The following UBE2Q2 variants were observed in gnomAD, a reference collection of about 807,000 sequenced individuals.
The protein encoded by UBE2Q2 is ubiquitin conjugating enzyme E2 Q2, also known as ubiquitin-conjugating enzyme E2 Q2.
A neutral mutation model predicts 59.9 loss-of-function variants in UBE2Q2; 54 were observed. That is an observed-to-expected ratio of 0.90 (90% confidence interval 0.72 to 1.13). UBE2Q2 has a LOEUF of 1.13. Ranked by LOEUF, UBE2Q2 falls within the 50% of genes most tolerant of loss-of-function variation. The probability of loss-of-function intolerance (pLI) is 0.00; values close to 1 mark genes in which losing one functional copy is unlikely to be tolerated. For missense variants in UBE2Q2, 433 were observed against 441.9 expected, an observed-to-expected ratio of 0.98 and a Z score of 0.18; for synonymous variants, 165 against 155.2, an observed-to-expected ratio of 1.06 and a Z score of -0.47.
intron 11 of UBE2Q2, among the ~76,000 whole-genome samples, chr15:75,894,268 T>C (rs1027460447): frequency 2.6e-5 from 4 of 151,544 alleles, no homozygotes; most frequent in African/African-American, 9.7e-5. Context: ...GAAAGGACAA[T>C]AAAAAAAACC....
At chr15:75,858,246 C>T (rs1344055595) in intron 2 of UBE2Q2, among the ~76,000 whole-genome samples, 2 of 152,168 alleles carry the variant, frequency 1.3e-5, no homozygotes, top group Non-Finnish European at 2.9e-5. Flanking sequence ...ACCCATATAT[C>T]TGTCTGTAAA....
At chr15:75,889,272 C>G (rs1742093815) in intron 9 of UBE2Q2, among the ~76,000 whole-genome samples, 1 of 152,106 alleles carries the variant, frequency 6.6e-6, no homozygotes, top group South Asian at 2.1e-4. Flanking sequence ...ATTAATCTTT[C>G]ACTTTGAAAG....
At chr15:75,855,404 T>C (rs1002315867) in intron 2 of UBE2Q2, among the ~76,000 whole-genome samples, 1 of 151,940 alleles carries the variant, frequency 6.6e-6, no homozygotes, top group African/African-American at 2.4e-5. Context: ...GGCAGGAGAA[T>C]TGCTTGAATC....
chr15:75,857,824 GA>G (rs1273202259), intron 2 of UBE2Q2, among the ~76,000 whole-genome samples: 1 of 150,534 alleles, frequency 6.6e-6, no homozygotes, highest in African/African-American at 2.4e-5. Context: ...TATATTAAAT[GA>G]AAAAGCAAGG....
intron 4 of UBE2Q2, among the ~76,000 whole-genome samples, chr15:75,869,335 A>G (rs972747595): frequency 6.6e-6 from 1 of 152,240 alleles, no homozygotes; most frequent in Non-Finnish European, 1.5e-5. Flanking sequence ...TAAGTTTAAA[A>G]AATTTTATGT....
chr15:75,861,137 G>C (rs989513580), intron 3 of UBE2Q2, among the ~76,000 whole-genome samples: 1 of 152,210 alleles, frequency 6.6e-6, no homozygotes, highest in African/African-American at 2.4e-5. Flanking sequence ...AGGATTAAAT[G>C]AGTTCGTACA....
intron 3 of UBE2Q2, among the ~76,000 whole-genome samples, chr15:75,868,107 CAG>C (rs1471206663): frequency 6.6e-6 from 1 of 152,176 alleles, no homozygotes; most frequent in East Asian, 1.9e-4. Context: ...ATTATTCCAT[CAG>C]AGTGTCTAAT....
At chr15:75,851,223 C>G (rs1896620988) in intron 1 of UBE2Q2, among the ~76,000 whole-genome samples, 1 of 151,494 alleles carries the variant, frequency 6.6e-6, no homozygotes, top group Non-Finnish European at 1.5e-5. Context: ...CCTCAGTCTC[C>G]TGGGACTCAG....
chr15:75,848,866 G>T (rs1035258324), intron 1 of UBE2Q2, among the ~76,000 whole-genome samples: 16 of 152,090 alleles, frequency 1.1e-4, no homozygotes, highest in African/African-American at 3.6e-4. Context: ...TCTTCTAGAA[G>T]ATTCTGAAAG....
intron 3 of UBE2Q2, 36 bp from the exon 4 acceptor site, chr15:75,868,915 T>A: frequency 6.2e-7 from 1 of 1,604,946 alleles, no homozygotes; most frequent in African/African-American, 1.3e-5. Flanking sequence ...GCATATTTGT[T>A]CTGTATAGCC....
At chr15:75,863,082 G>A (rs943950014) in intron 3 of UBE2Q2, among the ~76,000 whole-genome samples, 7 of 152,122 alleles carry the variant, frequency 4.6e-5, no homozygotes, top group African/African-American at 1.4e-4. Flanking sequence ...TTCAGGGCCT[G>A]GAAAATGTGT....
At chr15:75,866,076 A>G (rs1046511050) in intron 3 of UBE2Q2, among the ~76,000 whole-genome samples, 2 of 152,048 alleles carry the variant, frequency 1.3e-5, no homozygotes, top group Admixed American at 6.6e-5. Flanking sequence ...TCTGATGCCT[A>G]TCTCATTCTT....
intron 5 of UBE2Q2, among the ~76,000 whole-genome samples, chr15:75,875,856 T>G (rs1898046902): frequency 6.6e-6 from 1 of 151,896 alleles, no homozygotes; most frequent in Non-Finnish European, 1.5e-5. Context: ...GGTCAAGAGA[T>G]TGAGACCATC....
At chr15:75,851,350 G>T (rs1209537498) in intron 1 of UBE2Q2, among the ~76,000 whole-genome samples, 1 of 151,226 alleles carries the variant, frequency 6.6e-6, no homozygotes, top group Non-Finnish European at 1.5e-5. Flanking sequence ...TTGAACTTTG[G>T]ATCTTTTACC....
chr15:75,892,789 T>G (rs1417795487), intron 11 of UBE2Q2, among the ~76,000 whole-genome samples: 1 of 152,128 alleles, frequency 6.6e-6, no homozygotes, highest in Non-Finnish European at 1.5e-5. Context: ...GGTGGGAAGA[T>G]CACTTGAGCC....
chr15:75,887,975 C>A (rs1898881588), intron 9 of UBE2Q2, among the ~76,000 whole-genome samples: 1 of 152,194 alleles, frequency 6.6e-6, no homozygotes, highest in Admixed American at 6.5e-5. Flanking sequence ...TTGTGTGATT[C>A]TAGATAGATT....
At chr15:75,884,288 T>G (rs920588695) in intron 9 of UBE2Q2, among the ~76,000 whole-genome samples, 13 of 152,236 alleles carry the variant, frequency 8.5e-5, no homozygotes, top group Non-Finnish European at 1.6e-4. Flanking sequence ...ATCCAGCCTT[T>G]CCTTTGATCA....
At chr15:75,898,686 T>C (rs779926785) in intron 12 of UBE2Q2, among the ~76,000 whole-genome samples, 6 of 152,220 alleles carry the variant, frequency 3.9e-5, no homozygotes, top group Non-Finnish European at 8.8e-5. Flanking sequence ...CATTGTGAAA[T>C]GACGTTATGG....
At chr15:75,853,353 C>T in intron 1 of UBE2Q2, among the ~76,000 whole-genome samples, 1 of 152,172 alleles carries the variant, frequency 6.6e-6, no homozygotes, top group East Asian at 1.9e-4. Context: ...TGCTTGTTAT[C>T]CCAGCTACTC....
Sources: allele counts gnomAD v4.1 joint callset (sites outside exome capture counted in the v4.1 genomes callset), GRCh38; gene constraint gnomAD v4.1.1; transcripts MANE v1.5; gene names NCBI Gene and HGNC (gene_info 2026-07-23, HGNC 2026-07-21).